Variants in A2ML1 observed in about 807,000 individuals in gnomAD.
A2ML1 encodes the protein alpha-2-macroglobulin like 1, also known as alpha-2-macroglobulin-like protein 1.
Under a neutral mutation model 181.9 loss-of-function variants are expected in A2ML1, and 161 were observed. That is an observed-to-expected ratio of 0.89 (90% CI 0.78 to 1.01). A2ML1 has a LOEUF of 1.01. Ranked by LOEUF, A2ML1 falls within the 50% of genes least tolerant of loss-of-function variation. A2ML1 has a pLI of 0.00. For synonymous variants in A2ML1, 663 were observed against 666.8 expected, an observed-to-expected ratio of 0.99 and a Z score of 0.09; for missense variants, 1,670 against 1,768.1, an observed-to-expected ratio of 0.94 and a Z score of 1.00.
At chr12:8,878,981 AAAAT>A (rs1172891250), downstream of A2ML1, among the ~76,000 whole-genome samples, 1 of 152,014 alleles carries the variant, frequency 6.6e-6, no homozygotes, top group African/African-American at 2.4e-5. The surrounding 1 kb of genome is among the most constrained non-coding windows in gnomAD (Gnocchi z 4.4). Context: ...AGAATAAAAT[AAAAT>A]AAATAAAAGC....
rs201762847 is a variant in A2ML1, at chr12:8,843,318, C to T, written c.1433C>T (p.Pro478Leu). The T allele has an allele frequency of 1.1e-4, 181 of 1,613,800 alleles. No homozygotes were observed. In the East Asian group the frequency reaches 2.1e-3, roughly 18 times the overall value. Reference sequence around the variant, plus strand: ...GTGCTGGTGGATTATTACATCGACCCGGCCGATGCAAGCCCTGACCAAGAG... The same window carrying T: ...GTGCTGGTGGATTATTACATCGACCTGGCCGATGCAAGCCCTGACCAAGAG... Reference protein sequence around the residue: ...QEVLVDYYIDPADASPDQEIS... With the variant: ...QEVLVDYYIDLADASPDQEIS... The change falls in exon 12 of 36, where the codon CCG (proline) becomes CTG (leucine). Residue 478 changes from proline (P) to leucine (L), a missense_variant. Physicochemically the swap from Pro to Leu is moderately conservative, Grantham distance 98. Coordinates refer to ENST00000299698, the MANE Select transcript of A2ML1 (RefSeq NM_144670.6).
At chr12:8,882,559 A>C (rs1262071014) in intron 7 of A2ML1, among the ~76,000 whole-genome samples, 2 of 152,188 alleles carry the variant, frequency 1.3e-5, no homozygotes, top group Admixed American at 1.3e-4. Flanking sequence ...CTATGTCAGA[A>C]CATTCCTCCA....
chr12:8,882,549 C>G (rs1944881398), intron 7 of A2ML1, among the ~76,000 whole-genome samples: 1 of 152,202 alleles, frequency 6.6e-6, no homozygotes, highest in Non-Finnish European at 1.5e-5. Context: ...GCTGCCCCTT[C>G]TATGTCAGAA....
At chr12:8,869,273 T>A in intron 33 of A2ML1, 70 bp downstream of exon 33, 1 of 1,486,148 alleles carries the variant, frequency 6.7e-7, no homozygotes, top group Admixed American at 1.7e-5. Flanking sequence ...TTCTAATCTG[T>A]ATATACGGGT....
chr12:8,831,258 C>T (rs1290224227), intron 4 of A2ML1, among the ~76,000 whole-genome samples: 4 of 152,134 alleles, frequency 2.6e-5, no homozygotes, highest in Non-Finnish European at 4.4e-5. Flanking sequence ...GGCCTGAGTG[C>T]TTACTTCTTA....
intron 4 of A2ML1, chr12:8,830,775 T>C (rs1943085016): frequency 6.6e-6 from 1 of 152,184 alleles, no homozygotes; most frequent in Admixed American, 6.5e-5. Context: ...ATCTCCGTGT[T>C]CTCAGAGCTG....
At chr12:8,855,665 G>T in intron 23 of A2ML1, 73 bp downstream of exon 23, 1 of 1,407,276 alleles carries the variant, frequency 7.1e-7, no homozygotes, top group Non-Finnish European at 1.0e-6. Flanking sequence ...AGTGGGGCGG[G>T]ACATACGGAC....
intron 24 of A2ML1, 41 bp downstream of exon 24, chr12:8,857,381 A>G (rs1944104429): frequency 3.1e-6 from 5 of 1,602,598 alleles, no homozygotes; most frequent in East Asian, 4.5e-5. Context: ...ACTCTCCTCC[A>G]CTAGGCCCTA....
chr12:8,884,590 G>A (rs1380785161), intron 7 of A2ML1, among the ~76,000 whole-genome samples: 1 of 152,138 alleles, frequency 6.6e-6, no homozygotes, highest in African/African-American at 2.4e-5. Flanking sequence ...AAGCTGGAGT[G>A]TAGTAGCGCG....
At chr12:8,881,887 T>C (rs1944874999) in intron 7 of A2ML1, among the ~76,000 whole-genome samples, 1 of 151,890 alleles carries the variant, frequency 6.6e-6, no homozygotes, top group African/African-American at 2.4e-5. Context: ...GGTGGGTGCC[T>C]GTAGTCCCAG....
intron 26 of A2ML1, among the ~76,000 whole-genome samples, chr12:8,859,744 T>C (rs1176901389): frequency 6.6e-6 from 1 of 152,068 alleles, no homozygotes; most frequent in African/African-American, 2.4e-5. Flanking sequence ...TTTGTATTTT[T>C]AGTAGAGATG....
chr12:8,885,633 T>G (rs1013773269), intron 7 of A2ML1, among the ~76,000 whole-genome samples: 1 of 152,012 alleles, frequency 6.6e-6, no homozygotes, highest in Non-Finnish European at 1.5e-5. Flanking sequence ...GCTAATTTTT[T>G]GTATTGTTTT....
At position 8,847,633 on chromosome 12, in the gene A2ML1, G is replaced by A. The variant is rs755283058; in HGVS notation, c.1768G>A (p.Ala590Thr). 6.2e-7 allele frequency: 1 copy of A among 1,613,880 alleles called. No individual in the cohort carries two copies. Among genetic ancestry groups the A allele is most frequent in the East Asian group, 2.2e-5 (1 of 44,836 alleles). Residue 590 changes from alanine (A) to threonine (T), a missense_variant, in exon 15 of 36, where the codon GCG (alanine) becomes ACG (threonine). Transcript: ENST00000299698. The part of the protein sequence containing the change: ...QLQAAPGSLC[A>T]LRAVDESVLL... The stretch of plus-strand genomic sequence containing the variant: ...GCAGGCAGCTCCCGGATCCCTGTGT[G>A]CGCTCCGGGCGGTGGATGAGAGTGT...
chr12:8,883,791 A>T (rs1472178401), intron 7 of A2ML1, among the ~76,000 whole-genome samples: 15 of 135,536 alleles, frequency 1.1e-4, no homozygotes, highest in African/African-American at 3.9e-4. Flanking sequence ...TTTTATTTTT[A>T]TTTTTAATTT....
chr12:8,844,450 G>T (rs992341231), intron 12 of A2ML1, among the ~76,000 whole-genome samples: 6 of 152,012 alleles, frequency 3.9e-5, no homozygotes, highest in African/African-American at 1.4e-4. Flanking sequence ...TCAAATAGAT[G>T]ATATGGGGTT....
intron 8 of A2ML1, 77 bp from the exon 9 acceptor site, chr12:8,838,259 T>C: frequency 9.7e-7 from 1 of 1,030,796 alleles, no homozygotes; most frequent in Non-Finnish European, 1.5e-6. Flanking sequence ...TATTTCCTTC[T>C]ACAGAACATT....
At chr12:8,867,569 C>T (rs1944461177) in intron 29 of A2ML1, among the ~76,000 whole-genome samples, 1 of 152,188 alleles carries the variant, frequency 6.6e-6, no homozygotes, top group South Asian at 2.1e-4. Context: ...ATCACTTGAA[C>T]CCAGGAAGCG....
chr12:8,838,471 C>A, intron 9 of A2ML1, 21 bp downstream of exon 9: 1 of 1,585,412 alleles, frequency 6.3e-7, no homozygotes, highest in Non-Finnish European at 8.6e-7. Flanking sequence ...TGCTCCTTGG[C>A]TCATTAAGAA....
rs1249073872 is a variant in A2ML1, at chr12:8,852,793, T to C, written c.2590+457T>C. Among the ~76,000 whole-genome samples, 1 of 152,016 alleles carries C rather than the reference T, an allele frequency of 6.6e-6. No individual in the cohort carries two copies. The highest frequency in any genetic ancestry group is 2.4e-5 in the African/African-American group (1 of 41,390). Reference sequence around the variant, plus strand: ...CTTACTGCAACCTCCACCTCCTGGGTTCAAGTGATTCTCCTGCCAAGCCTC... The same window carrying C: ...CTTACTGCAACCTCCACCTCCTGGGCTCAAGTGATTCTCCTGCCAAGCCTC... On this transcript the variant is annotated intron_variant, in intron 20 of 35. Transcript: ENST00000299698. This position sits in a 1 kb window ranked among gnomAD's most constrained non-coding sequence, Gnocchi z 4.2.
Sources: gnomAD v4.1 joint callset for allele counts (sites outside exome capture counted in the v4.1 genomes callset) on GRCh38, gnomAD v4.1.1 for gene constraint, Gnocchi (gnomAD v3.1) non-coding constraint, MANE v1.5 for transcripts, NCBI Gene and HGNC (gene_info 2026-07-23, HGNC 2026-07-21) for gene names.